Variants in CPHXL observed in about 807,000 individuals in gnomAD.
CPHXL encodes cytoplasmic polyadenylated homeobox like.
rs1392439099 is a variant in CPHXL at position 75,726,444 on chromosome 16, T to C, written c.-2A>G. 1 of 398,518 alleles carries C rather than the reference T, an allele frequency of 2.5e-6. No individual in the cohort carries two copies. Among genetic ancestry groups the C allele is most frequent in the Non-Finnish European group, 4.4e-6 (1 of 226,092 alleles). 24.7% of individuals were successfully genotyped at this position (398,518 alleles called of 1,614,324 possible). ...ACCTGAAGTGCCGTCCAAATTCATC[T>C]TGGGGTAGAAGACCTGGACTTCACG... is the stretch of plus-strand genomic sequence containing the variant. On this transcript the variant is annotated 5_prime_UTR_variant, in exon 1 of 3. Coordinates refer to ENST00000640559, the MANE Select transcript of CPHXL (RefSeq NM_001355613.1).
At chr16:75,718,753 C>G (rs1016864139) in intron 1 of CPHXL, among the ~76,000 whole-genome samples, 5 of 152,368 alleles carry the variant, frequency 3.3e-5, no homozygotes, top group African/African-American at 1.2e-4. Context: ...CAAGCCACAA[C>G]AGCAGGCTTA....
chr16:75,717,453 T>C (rs1272512667), intron 2 of CPHXL, among the ~76,000 whole-genome samples: 1 of 152,210 alleles, frequency 6.6e-6, no homozygotes, highest in Non-Finnish European at 1.5e-5. Flanking sequence ...CGGTGTAGTA[T>C]TTGCATATAT....
chr16:75,715,644 C>T (rs564550808), intron 2 of CPHXL, among the ~76,000 whole-genome samples: 16 of 152,294 alleles, frequency 1.1e-4, no homozygotes, highest in South Asian at 4.1e-4. Flanking sequence ...CATACTCTCC[C>T]GCCAAGGAGA....
chr16:75,715,266 G>C, intron 2 of CPHXL, 44 bp from the exon 3 acceptor site: 1 of 398,528 alleles, frequency 2.5e-6, no homozygotes, highest in Non-Finnish European at 4.4e-6. Flanking sequence ...CTACTTATCT[G>C]AATATATTCT....
Position 75,714,608 on chromosome 16 carries a change from G to C in CPHXL, c.834C>G (p.Phe278Leu), listed in dbSNP as rs571057627. Residue 278 changes from phenylalanine to leucine, a missense_variant, in exon 3 of 3, where the codon TTC becomes TTG. Phe to Leu is a conservative substitution (Grantham distance 22). Transcript: ENST00000640559. Reference sequence around the variant, plus strand: ...ATGCACCTTGAGCGTAATCCAAAAGGAAAGGACTTGCATGCTGGCTTTCCT... The same window carrying C: ...ATGCACCTTGAGCGTAATCCAAAAGCAAAGGACTTGCATGCTGGCTTTCCT... ...ETKESQHASP[F>L]LLDYAQGAYG... is the part of the protein sequence containing the mutation. The C allele has an allele frequency of 4.5e-5, 18 of 398,646 alleles. No individual in the cohort carries two copies. The East Asian group carries it at 5.7e-4, about 13-fold the overall frequency. 24.7% of individuals were successfully genotyped at this position (398,646 alleles called of 1,614,324 possible).
chr16:75,717,066 T>C (rs72789466), intron 2 of CPHXL, among the ~76,000 whole-genome samples: 2,763 of 152,308 alleles, frequency 0.018, 35 homozygotes, highest in South Asian at 0.028. Flanking sequence ...CAAGTAACCT[T>C]TGAGTCCACC....
At chr16:75,722,505 G>A (rs1275658005) in intron 1 of CPHXL, among the ~76,000 whole-genome samples, 10 of 152,166 alleles carry the variant, frequency 6.6e-5, no homozygotes, top group Non-Finnish European at 1.5e-4. Flanking sequence ...AGAAAATCTA[G>A]AAGAAATGGA....
intron 1 of CPHXL, among the ~76,000 whole-genome samples, chr16:75,723,063 A>G (rs1332419206): frequency 1.3e-5 from 2 of 152,244 alleles, no homozygotes; most frequent in Non-Finnish European, 2.9e-5. Flanking sequence ...CTTCATGCTA[A>G]AAACTCTCAA....
intron 2 of CPHXL, among the ~76,000 whole-genome samples, chr16:75,716,974 T>C (rs990540908): frequency 1.3e-5 from 2 of 152,246 alleles, no homozygotes; most frequent in East Asian, 3.8e-4. Flanking sequence ...AAACTTTGAT[T>C]TCTCTGACAC....
In CPHXL at chr16:75,714,894, C is replaced by T. The variant is rs1031568648; in HGVS notation, c.548G>A (p.Ser183Asn). Residue 183 changes from serine to asparagine, a missense_variant, in exon 3 of 3, where the codon AGT becomes AAT. Transcript: ENST00000640559. ...CSYLEKPGIP[S>N]QQVGSQCSYL... is the part of the protein sequence containing the mutation. ...GGAGCACTGGGAACCCACCTGTTGA[C>T]TGGGAATCCCTGGTTTCTCCAGATA... 7.5e-6 allele frequency: 3 copies of T among 398,558 alleles called. No homozygotes were observed. Among genetic ancestry groups the T allele is most frequent in the African/African-American group, 2.1e-5 (1 of 48,644 alleles). The allele number at this position is 398,558 out of a possible 1,614,324, so 24.7% of individuals were successfully genotyped here.
At position 75,714,453 on chromosome 16, in the gene CPHXL, A is replaced by G; in HGVS notation, c.989T>C (p.Leu330Ser). Reference protein sequence around the residue: ...QPQNYLEGMMLQEQLPMDSGP... With the variant: ...QPQNYLEGMMSQEQLPMDSGP... ...CGAGTCCATTGGGAGCTGTTCCTGC[A>G]ACATCATCCCCTCTAAGTAATTCTG... Residue 330 changes from leucine (L) to serine (S), a missense_variant, in exon 3 of 3, where the codon TTG becomes TCG. By Grantham distance (145) the Leu-to-Ser change is moderately radical. Coordinates refer to ENST00000640559, the MANE Select transcript of CPHXL (RefSeq NM_001355613.1). 1 of 398,572 alleles carries G rather than the reference A, an allele frequency of 2.5e-6. No homozygotes were observed. Among genetic ancestry groups the G allele is most frequent in the East Asian group, 3.6e-5 (1 of 28,076 alleles). 24.7% of individuals were successfully genotyped at this position (398,572 alleles called of 1,614,324 possible). A position where few individuals can be genotyped will look rare whatever the true frequency, so the allele number is the denominator to read the frequency against.
At chr16:75,717,787 T>C (rs1025851494) in intron 2 of CPHXL, among the ~76,000 whole-genome samples, 26 of 152,374 alleles carry the variant, frequency 1.7e-4, no homozygotes, top group African/African-American at 6.3e-4. Context: ...TAGTTAAATC[T>C]GTGCATGTGG....
In CPHXL at chr16:75,714,720, T is replaced by C; in HGVS notation, c.722A>G (p.Tyr241Cys). The change falls in exon 3 of 3, where the codon TAT becomes TGT. Residue 241 changes from tyrosine (Y) to cysteine (C), a missense_variant. Physicochemically the swap from Tyr to Cys is radical, Grantham distance 194. Coordinates refer to ENST00000640559, the MANE Select transcript of CPHXL (RefSeq NM_001355613.1). ...GHSGSGHSTA[Y>C]HFLSYNSAEC... is the part of the protein sequence containing the mutation. ...TGCAGAGTTGTAGCTGAGAAAATGA[T>C]AGGCAGTAGAATGCCCACTTCCAGA... 3 of 398,644 alleles carry C rather than the reference T, an allele frequency of 7.5e-6. No homozygotes were observed. Among genetic ancestry groups the C allele is most frequent in the African/African-American group, 2.1e-5 (1 of 48,760 alleles). 24.7% of individuals were successfully genotyped at this position (398,644 alleles called of 1,614,324 possible).
intron 1 of CPHXL, among the ~76,000 whole-genome samples, chr16:75,725,654 G>A (rs559893211): frequency 3.3e-5 from 5 of 149,802 alleles, no homozygotes; most frequent in South Asian, 2.1e-4. Flanking sequence ...GGGTTTCACC[G>A]TGTTAGCCAG....
chr16:75,722,359 C>A (rs1959490291), intron 1 of CPHXL, among the ~76,000 whole-genome samples: 1 of 151,770 alleles, frequency 6.6e-6, no homozygotes, highest in Admixed American at 6.6e-5. Context: ...AGATTGCTAG[C>A]AAGACTAATA....
In CPHXL at chr16:75,714,964, C is replaced by T. The variant is rs1959369430; in HGVS notation, c.478G>A (p.Glu160Lys). 2.5e-6 allele frequency: 1 copy of T among 398,516 alleles called. No homozygotes were observed. The highest frequency in any genetic ancestry group is 1.3e-4 in the South Asian group (1 of 7,866). 24.7% of individuals were successfully genotyped at this position (398,516 alleles called of 1,614,324 possible). ...TGTTGACTGGGAGTCTCTTGGTTCT[C>T]CAAAGAGAAACAATTATAGCCCATT... ...QEMGYNCFSL[E>K]NQETPSQQVG... The change falls in exon 3 of 3, where the codon GAG becomes AAG. Residue 160 changes from glutamate (E) to lysine (K), a missense_variant. By Grantham distance (56) the Glu-to-Lys change is moderately conservative. Coordinates refer to ENST00000640559, the MANE Select transcript of CPHXL (RefSeq NM_001355613.1).
intron 1 of CPHXL, among the ~76,000 whole-genome samples, chr16:75,722,301 A>G (rs1959489349): frequency 6.6e-6 from 1 of 152,178 alleles, no homozygotes; most frequent in Admixed American, 6.6e-5. Flanking sequence ...CTTCAAAAAA[A>G]TCAATGAATC....
intron 1 of CPHXL, 132 bp from the exon 2 acceptor site, chr16:75,718,590 T>A (rs770357351): frequency 1.0e-5 from 4 of 393,330 alleles, no homozygotes; most frequent in African/African-American, 4.1e-5. Flanking sequence ...TGTGACCTCA[T>A]AGCTACTCAC....
intron 2 of CPHXL, among the ~76,000 whole-genome samples, chr16:75,716,840 A>G (rs1959399709): frequency 6.6e-6 from 1 of 152,098 alleles, no homozygotes; most frequent in African/African-American, 2.4e-5. Flanking sequence ...TTAGTAGACA[A>G]CTCTCAGATT....
Sources: gnomAD v4.1 joint callset for allele counts (sites outside exome capture counted in the v4.1 genomes callset) on GRCh38, gnomAD v4.1.1 for gene constraint, MANE v1.5 for transcripts, NCBI Gene and HGNC (gene_info 2026-07-23, HGNC 2026-07-21) for gene names.